TUBGCP3: variants seen among roughly 807,000 people sequenced by gnomAD.
TUBGCP3 encodes the protein gamma-tubulin complex component 3.
TUBGCP3 carries 50 observed loss-of-function variants against 123.1 expected under a neutral mutation model. The observed-to-expected ratio is 0.41, with a 90% CI of 0.32 to 0.51. The LOEUF is 0.51. Among genes scored for constraint, TUBGCP3 ranks in the 20% least tolerant of loss-of-function variants. The pLI is 0.36. For synonymous variants in TUBGCP3, 405 were observed against 413.9 expected, an observed-to-expected ratio of 0.98 and a Z score of 0.26; for missense variants, 882 against 1,127.0, an observed-to-expected ratio of 0.78 and a Z score of 3.11.
In TUBGCP3 at chr13:112,545,240, A is replaced by G. The variant is rs1878890780; in HGVS notation, c.1335+459T>C. Reference sequence around the variant, plus strand: ...TCATTTCTATCATGTGATTTACACAACAGTGATTTTTAAGCAGCACATGCT... The same window carrying G: ...TCATTTCTATCATGTGATTTACACAGCAGTGATTTTTAAGCAGCACATGCT... On this transcript the variant is annotated intron_variant, in intron 11 of 21. Transcript: ENST00000261965. The surrounding 1 kb of genome is among the most constrained non-coding windows in gnomAD (Gnocchi z 4.1). The G allele has an allele frequency of 1.9e-5, 3 of 159,408 alleles. No individual in the cohort carries two copies. Among genetic ancestry groups the G allele is most frequent in the Non-Finnish European group, 4.2e-5 (3 of 71,842 alleles). 9.9% of individuals were successfully genotyped at this position (159,408 alleles called of 1,614,324 possible).
At chr13:112,599,710 G>A in the TUBGCP3 span, among the ~76,000 whole-genome samples, 46 of 151,894 alleles carry the variant, frequency 3.0e-4, 1 homozygote, top group East Asian at 7.7e-3. Context: ...TAGTAGAGAC[G>A]GGGATTCGCT....
At chr13:112,505,915 G>A (rs1881275437) in intron 17 of TUBGCP3, among the ~76,000 whole-genome samples, 1 of 152,180 alleles carries the variant, frequency 6.6e-6, no homozygotes, top group South Asian at 2.1e-4. Flanking sequence ...CCTGCCCGGT[G>A]CCTGGGTCTC....
chr13:112,543,723 T>A (rs188585274), intron 11 of TUBGCP3, among the ~76,000 whole-genome samples: 2 of 152,338 alleles, frequency 1.3e-5, no homozygotes, highest in Admixed American at 1.3e-4. Flanking sequence ...AGTACAATGA[T>A]TCTTCGTACT....
At chr13:112,505,148 C>G (rs1188829351) in intron 17 of TUBGCP3, among the ~76,000 whole-genome samples, 1 of 152,284 alleles carries the variant, frequency 6.6e-6, no homozygotes, top group South Asian at 2.1e-4. Flanking sequence ...CGACTGTGGC[C>G]TTACCGCCTG....
At chr13:112,512,421 C>G (rs961973833) in intron 17 of TUBGCP3, among the ~76,000 whole-genome samples, 1 of 109,912 alleles carries the variant, frequency 9.1e-6, no homozygotes, top group African/African-American at 4.1e-5. Flanking sequence ...GAGCAAGACT[C>G]TGTCTCAAAA....
intron 2 of TUBGCP3, among the ~76,000 whole-genome samples, chr13:112,567,279 G>C (rs938337820): frequency 6.6e-6 from 1 of 152,150 alleles, no homozygotes; most frequent in African/African-American, 2.4e-5. Context: ...AGATTCCCTC[G>C]AATATCCACT....
At position 112,565,180 on chromosome 13, in the gene TUBGCP3, T is replaced by A; in HGVS notation, c.185-2A>T. ...CTGCTTCTCTTCGTTGTCGAATAAC[T>A]GAAAAGACAGAAAAAAAATAAGTGT... On this transcript the variant is annotated splice_acceptor_variant, in intron 2 of 21. Transcript: ENST00000261965. LOFTEE classifies it high-confidence loss of function. 6.2e-7 allele frequency: 1 copy of A among 1,611,646 alleles called. No individual in the cohort carries two copies. The highest frequency in any genetic ancestry group is 8.5e-7 in the Non-Finnish European group (1 of 1,179,702).
chr13:112,502,424 TAC>T (rs1194572457), intron 19 of TUBGCP3, among the ~76,000 whole-genome samples: 2 of 152,004 alleles, frequency 1.3e-5, no homozygotes, highest in Non-Finnish European at 2.9e-5. Context: ...ATCTGCTGAA[TAC>T]AGAGAGGCAA....
At position 112,516,461 on chromosome 13, in the gene TUBGCP3, T is replaced by C; in HGVS notation, c.2065A>G (p.Lys689Glu). 3 of 1,610,000 alleles carry C rather than the reference T, an allele frequency of 1.9e-6. No individual in the cohort carries two copies. Among genetic ancestry groups the C allele is most frequent in the South Asian group, 1.1e-5 (1 of 90,238 alleles). The change falls in exon 17 of 22, where the codon AAG (lysine) becomes GAG (glutamate). Residue 689 changes from lysine (K) to glutamate (E), a missense_variant. This residue lies in a region of TUBGCP3 where 713 missense variants were observed against 874.0 expected (regional missense o/e 0.82). Coordinates refer to ENST00000261965, the MANE Select transcript of TUBGCP3 (RefSeq NM_006322.6). ...DIRKGHMCNA[K>E]LLRNMPEFSG... is the part of the protein sequence containing the mutation. The stretch of plus-strand genomic sequence containing the variant: ...TCACCTGGCATGTTTCTCAGGAGCT[T>C]TGCATTGCACATGTGTCCCTTCCGT...
chr13:112,548,045 T>C lies in TUBGCP3; in HGVS notation c.1035+63A>G, dbSNP rs796753828. 8.5e-6 allele frequency: 11 copies of C among 1,289,320 alleles called. No individual in the cohort carries two copies. In the African/African-American group the frequency reaches 1.5e-4, roughly 18 times the overall value. The allele number at this position is 1,289,320 out of a possible 1,614,324, so 79.9% of individuals were successfully genotyped here. ...GTATGAAGGAACTTAAAACATTCTA[T>C]ATAGCTTCAATTTTGTAACACTTCA... is the stretch of plus-strand genomic sequence containing the variant. On this transcript the variant is annotated intron_variant, in intron 9 of 21. Coordinates refer to ENST00000261965, the MANE Select transcript of TUBGCP3 (RefSeq NM_006322.6).
At chr13:112,501,127 G>A (rs965390759) in intron 19 of TUBGCP3, among the ~76,000 whole-genome samples, 1 of 152,162 alleles carries the variant, frequency 6.6e-6, no homozygotes, top group East Asian at 1.9e-4. Context: ...TGTGATCAGG[G>A]GATGCTGTTC....
chr13:112,530,772 G>A (rs1877509623), intron 11 of TUBGCP3, among the ~76,000 whole-genome samples: 1 of 152,114 alleles, frequency 6.6e-6, no homozygotes, highest in Non-Finnish European at 1.5e-5. Flanking sequence ...ACTTGAACAA[G>A]TTGACAATAT....
intron 11 of TUBGCP3, among the ~76,000 whole-genome samples, chr13:112,531,253 C>T (rs905349718): frequency 3.5e-4 from 54 of 152,302 alleles, no homozygotes; most frequent in African/African-American, 1.3e-3. Context: ...GAGGCTGCTA[C>T]GTTTATTTTC....
chr13:112,491,049 C>T (rs1453024967), intron 20 of TUBGCP3, among the ~76,000 whole-genome samples: 2 of 152,308 alleles, frequency 1.3e-5, no homozygotes, highest in East Asian at 3.9e-4. Context: ...CTCCCGCTAC[C>T]TCTCAGATTC....
intron 10 of TUBGCP3, chr13:112,546,289 T>G (rs1878978801): frequency 5.8e-6 from 1 of 172,786 alleles, no homozygotes; most frequent in Non-Finnish European, 1.3e-5. Context: ...ACTTTTTTTT[T>G]GGTATGGTAT....
intron 3 of TUBGCP3, among the ~76,000 whole-genome samples, chr13:112,559,924 T>G (rs887648881): frequency 6.6e-6 from 1 of 150,382 alleles, no homozygotes; most frequent in Non-Finnish European, 1.5e-5. Flanking sequence ...CACTTGAGGT[T>G]AGGAGTTCGA....
chr13:112,570,742 T>G (rs903700051), intron 1 of TUBGCP3, among the ~76,000 whole-genome samples: 1 of 152,208 alleles, frequency 6.6e-6, no homozygotes, highest in Admixed American at 6.5e-5. Flanking sequence ...CTATAGCATG[T>G]GATGTTGTTT....
At chr13:112,518,738 T>C (rs1416919948) in intron 16 of TUBGCP3, among the ~76,000 whole-genome samples, 1 of 152,198 alleles carries the variant, frequency 6.6e-6, no homozygotes, top group African/African-American at 2.4e-5. Flanking sequence ...CTGAAACCTA[T>C]GATAGAACAA....
chr13:112,528,477 A>C (rs1439254657), intron 11 of TUBGCP3, among the ~76,000 whole-genome samples: 1 of 152,196 alleles, frequency 6.6e-6, no homozygotes, highest in Admixed American at 6.5e-5. Flanking sequence ...GAAGCCGAGC[A>C]TATTTTCATA....
Sources: allele counts gnomAD v4.1 joint callset (sites outside exome capture counted in the v4.1 genomes callset), GRCh38; gene constraint gnomAD v4.1.1; regional missense constraint gnomAD v4.1.1; non-coding constraint Gnocchi (gnomAD v3.1); transcripts MANE v1.5; gene names NCBI Gene and HGNC (gene_info 2026-07-23, HGNC 2026-07-21).